KDM2A: variants seen among roughly 807,000 people sequenced by gnomAD.
KDM2A encodes lysine demethylase 2A.
A neutral mutation model predicts 137.3 loss-of-function variants in KDM2A; 3 were observed. That is an observed-to-expected ratio of 0.02 (90% CI 0.01 to 0.06). The LOEUF is 0.06. Among genes scored for constraint, KDM2A ranks in the 10% least tolerant of loss-of-function variants. The probability of loss-of-function intolerance (pLI) is 1.00; values close to 1 mark genes in which losing one functional copy is unlikely to be tolerated. For synonymous variants in KDM2A, 512 were observed against 541.5 expected (o/e 0.95, Z 0.76); for missense variants, 738 against 1,510.6 (o/e 0.49, Z 8.48).
chr11:67,205,894 C>G (rs1032039882), intron 5 of KDM2A, among the ~76,000 whole-genome samples: 1 of 152,134 alleles, frequency 6.6e-6, no homozygotes, highest in East Asian at 1.9e-4. Flanking sequence ...TGAATCATCT[C>G]TTGTTAGAAT....
At chr11:67,131,645 C>T (rs899151364) in intron 2 of KDM2A, among the ~76,000 whole-genome samples, 3 of 152,018 alleles carry the variant, frequency 2.0e-5, no homozygotes, top group Admixed American at 1.3e-4. Context: ...CTCCTGACCT[C>T]GGGTGATCCA....
intron 2 of KDM2A, among the ~76,000 whole-genome samples, chr11:67,176,401 A>G (rs6591234): frequency 0.12 from 18,308 of 152,214 alleles, 3,086 homozygotes; most frequent in African/African-American, 0.38. Flanking sequence ...TCTAGATTTG[A>G]TGTTCTTAGC....
At chr11:67,189,842 A>G (rs1284072390) in intron 5 of KDM2A, among the ~76,000 whole-genome samples, 1 of 152,106 alleles carries the variant, frequency 6.6e-6, no homozygotes. Flanking sequence ...CTGTGTCAAA[A>G]AACAAACAAA....
At chr11:67,146,553 C>T (rs527515826) in intron 2 of KDM2A, among the ~76,000 whole-genome samples, 4 of 151,488 alleles carry the variant, frequency 2.6e-5, no homozygotes, top group South Asian at 2.1e-4. Flanking sequence ...TTGTTATCCA[C>T]GCTGGAGTGC....
intron 2 of KDM2A, among the ~76,000 whole-genome samples, chr11:67,139,295 A>C (rs1163212648): frequency 6.7e-6 from 1 of 149,970 alleles, no homozygotes; most frequent in Non-Finnish European, 1.5e-5. Context: ...CCCAGGCTGG[A>C]GTGCAGTGGC....
chr11:67,140,046 G>A (rs1856061747), intron 2 of KDM2A, among the ~76,000 whole-genome samples: 1 of 152,048 alleles, frequency 6.6e-6, no homozygotes, highest in Non-Finnish European at 1.5e-5. Flanking sequence ...GATGGGTGGT[G>A]CCACCAATTG....
chr11:67,245,543 A>G lies in KDM2A; in HGVS notation c.1833+85A>G. ...ATACATATAGTGTAGAGTTAAAGAG[A>G]CTTCAGAGTTGGAAAGAAAAGGTTT... On this transcript the variant is annotated intron_variant, in intron 14 of 20. Coordinates refer to ENST00000529006, the MANE Select transcript of KDM2A (RefSeq NM_012308.3). This position sits in a 1 kb window ranked among gnomAD's most constrained non-coding sequence, Gnocchi z 4.1. 1 of 1,444,312 alleles carries G rather than the reference A, an allele frequency of 6.9e-7. No homozygotes were observed. The allele number at this position is 1,444,312 out of a possible 1,614,324, so 89.5% of individuals were successfully genotyped here.
chr11:67,191,314 T>C (rs930079769), intron 5 of KDM2A, among the ~76,000 whole-genome samples: 2 of 152,150 alleles, frequency 1.3e-5, no homozygotes, highest in African/African-American at 2.4e-5. Flanking sequence ...CGTGAGCCAC[T>C]GCGCCCGACC....
At chr11:67,203,034 C>G (rs1857684370) in intron 5 of KDM2A, among the ~76,000 whole-genome samples, 1 of 151,520 alleles carries the variant, frequency 6.6e-6, no homozygotes, top group Non-Finnish European at 1.5e-5. Flanking sequence ...ACGGTTTACA[C>G]TTCAGCGAAA....
Position 67,251,667 on chromosome 11 carries a change from C to T in KDM2A, c.2768+869C>T, listed in dbSNP as rs552593860. Among the ~76,000 whole-genome samples, 13 of 152,290 alleles carry T rather than the reference C, an allele frequency of 8.5e-5. No individual in the cohort carries two copies. The South Asian group carries it at 2.7e-3, about 32-fold the overall frequency. ...GGGTGGGCCCAGCAGTCTGCTTTAA[C>T]AAGCGCTCCTCCAGGGGACTCTGAT... On this transcript the variant is annotated intron_variant, in intron 17 of 20. Coordinates refer to ENST00000529006, the MANE Select transcript of KDM2A (RefSeq NM_012308.3).
intron 9 of KDM2A, among the ~76,000 whole-genome samples, chr11:67,218,345 C>G (rs1013382346): frequency 6.6e-6 from 1 of 152,178 alleles, no homozygotes; most frequent in African/African-American, 2.4e-5. Flanking sequence ...AGGATTCTGA[C>G]TATGCATTTA....
chr11:67,196,841 T>TA (rs1289735641), intron 5 of KDM2A: 1 of 165,230 alleles, frequency 6.1e-6, no homozygotes, highest in Admixed American at 5.6e-5. Flanking sequence ...ACTGTGCTCC[T>TA]AAAAATGGTT....
chr11:67,235,600 TG>T (rs1858847665), intron 12 of KDM2A, among the ~76,000 whole-genome samples: 1 of 146,930 alleles, frequency 6.8e-6, no homozygotes, highest in African/African-American at 2.6e-5. Flanking sequence ...CGCGCCCGGC[TG>T]CTTTTTTGTT....
chr11:67,189,809 A>C (rs1248042199), intron 5 of KDM2A, among the ~76,000 whole-genome samples: 1 of 152,160 alleles, frequency 6.6e-6, no homozygotes, highest in Non-Finnish European at 1.5e-5. Context: ...ATTGCACTCC[A>C]GCCGGGGCAA....
intron 2 of KDM2A, among the ~76,000 whole-genome samples, chr11:67,168,545 T>TACACAC (rs34544708): frequency 9.1e-6 from 1 of 109,950 alleles, no homozygotes; most frequent in Admixed American, 9.7e-5. Flanking sequence ...TGAATTATAA[T>TACACAC]ACACACACAC....
chr11:67,183,999 C>T (rs866064073), intron 5 of KDM2A, among the ~76,000 whole-genome samples: 2 of 149,782 alleles, frequency 1.3e-5, no homozygotes, highest in African/African-American at 4.9e-5. Context: ...GTCCCAGCTA[C>T]GTGGGGGGCA....
At chr11:67,181,005 A>T (rs188019381) in intron 3 of KDM2A, among the ~76,000 whole-genome samples, 3 of 149,042 alleles carry the variant, frequency 2.0e-5, no homozygotes, top group Admixed American at 6.7e-5. Flanking sequence ...GGTGATGATA[A>T]TTTCTGTTTA....
intron 12 of KDM2A, among the ~76,000 whole-genome samples, chr11:67,237,882 T>G (rs1858915661): frequency 6.6e-6 from 1 of 151,572 alleles, no homozygotes; most frequent in African/African-American, 2.4e-5. Context: ...CATCTACCAC[T>G]GCACTTTAGC....
chr11:67,122,132 T>C (rs1279736786), intron 2 of KDM2A, among the ~76,000 whole-genome samples: 1 of 152,138 alleles, frequency 6.6e-6, no homozygotes, highest in African/African-American at 2.4e-5. Context: ...GTTTGAAGAG[T>C]GGGCTATGAG....
Sources: allele counts gnomAD v4.1 joint callset (sites outside exome capture counted in the v4.1 genomes callset), GRCh38; gene constraint gnomAD v4.1.1; non-coding constraint Gnocchi (gnomAD v3.1); transcripts MANE v1.5; gene names NCBI Gene and HGNC (gene_info 2026-07-23, HGNC 2026-07-21).